Variants in SIPA1L1 observed in about 807,000 individuals in gnomAD.
The protein encoded by SIPA1L1 is signal induced proliferation associated 1 like 1.
Under a neutral mutation model 162.7 loss-of-function variants are expected in SIPA1L1, and 26 were observed. That is an observed-to-expected ratio of 0.16 (90% CI 0.12 to 0.22). The LOEUF is 0.22. SIPA1L1 is among the 10% of genes least tolerant of loss of function. The pLI, the probability that SIPA1L1 is intolerant of heterozygous loss-of-function variation, is 1.00. For synonymous variants in SIPA1L1, 829 were observed against 837.4 expected (o/e 0.99, Z 0.17); for missense variants, 1,874 against 2,241.0 (o/e 0.84, Z 3.31).
At position 71,446,894 on chromosome 14, in the gene SIPA1L1, G is replaced by GTTTTTTTTTTTTTTTTT. The variant is rs765106790; in HGVS notation, c.-464-65838_-464-65837insTTTTTTTTTTTTTTTTT. On this transcript the variant is annotated intron_variant, in intron 2 of 23. Transcript: ENST00000381232. ...CTGCAAATAAAGAGAGATGGGCTCT[G>GTTTTTTTTTTTTTTTTT]TTTTTTTTTTTGTTTTTTTTTTTTT... Among the ~76,000 whole-genome samples, 26 of 87,404 alleles carry GTTTTTTTTTTTTTTTTT rather than the reference G, an allele frequency of 3.0e-4. 3 individuals carry two copies. Among genetic ancestry groups the GTTTTTTTTTTTTTTTTT allele is most frequent in the African/African-American group, 7.8e-4 (18 of 23,000 alleles). 57.3% of individuals were successfully genotyped at this position (87,404 alleles called of 152,430 possible).
intron 2 of SIPA1L1, among the ~76,000 whole-genome samples, chr14:71,381,763 CTG>C: frequency 1.3e-5 from 2 of 152,286 alleles, no homozygotes; most frequent in Middle Eastern, 6.8e-3. Context: ...TTCTGATAGA[CTG>C]TGTGTGCTGG....
chr14:71,591,302 A>C (rs1041618367), intron 5 of SIPA1L1, among the ~76,000 whole-genome samples: 14 of 80,276 alleles, frequency 1.7e-4, no homozygotes, highest in Non-Finnish European at 2.7e-4. Flanking sequence ...CCAGTTGAGA[A>C]AACTGGAGCT....
At chr14:71,677,498 T>G (rs2045330382) in intron 12 of SIPA1L1, among the ~76,000 whole-genome samples, 1 of 152,238 alleles carries the variant, frequency 6.6e-6, no homozygotes, top group Non-Finnish European at 1.5e-5. Context: ...TTTGTCTATT[T>G]TGGCTTTTGT....
At chr14:71,347,950 C>A (rs930744850) in intron 2 of SIPA1L1, among the ~76,000 whole-genome samples, 34 of 151,992 alleles carry the variant, frequency 2.2e-4, no homozygotes, top group Middle Eastern at 3.4e-3. Flanking sequence ...ATTCAGGAGG[C>A]CAGACTTTAA....
chr14:71,619,150 C>T (rs1040577495), intron 6 of SIPA1L1, among the ~76,000 whole-genome samples: 1 of 151,986 alleles, frequency 6.6e-6, no homozygotes, highest in Non-Finnish European at 1.5e-5. Flanking sequence ...TTAAGTGTGG[C>T]CCAAGGAAAT....
intron 13 of SIPA1L1, among the ~76,000 whole-genome samples, chr14:71,692,065 G>A (rs1205166988): frequency 1.3e-5 from 2 of 152,146 alleles, no homozygotes; most frequent in Admixed American, 1.3e-4. Context: ...TGGTAGTCCA[G>A]CTTTCCACAC....
At chr14:71,637,421 A>G (rs1052454473) in intron 7 of SIPA1L1, among the ~76,000 whole-genome samples, 2 of 152,024 alleles carry the variant, frequency 1.3e-5, no homozygotes, top group Non-Finnish European at 2.9e-5. Context: ...ATTTCTTACT[A>G]TGTCTGATTT....
intron 5 of SIPA1L1, among the ~76,000 whole-genome samples, chr14:71,610,157 G>A (rs1468138389): frequency 6.6e-6 from 1 of 152,262 alleles, no homozygotes; most frequent in South Asian, 2.1e-4. Context: ...AAAGTCACAT[G>A]TACAACTAAT....
chr14:71,709,132 T>C, intron 16 of SIPA1L1, 90 bp from the exon 17 acceptor site: 1 of 1,115,994 alleles, frequency 9.0e-7, no homozygotes, highest in Non-Finnish European at 1.3e-6. Context: ...CAGAGCCCTA[T>C]AACTAGAAAT....
rs372742089 is a variant in SIPA1L1 at position 71,609,796 on chromosome 14, T to C, written c.1499-8961T>C. 4.6e-5 allele frequency among the ~76,000 whole-genome samples: 7 copies of C among 152,152 alleles called. No homozygotes were observed. The South Asian group carries it at 1.5e-3, about 32-fold the overall frequency. On this transcript the variant is annotated intron_variant, in intron 5 of 23. Coordinates refer to ENST00000381232, the MANE Select transcript of SIPA1L1 (RefSeq NM_001386936.1). ...CTTTGTAGTGATGGTGTCTCACTGT[T>C]GCTCAGGCTGGTCTTGAACTCCTAG...
intron 4 of SIPA1L1, among the ~76,000 whole-genome samples, chr14:71,580,651 A>G (rs2033797943): frequency 1.3e-5 from 2 of 152,212 alleles, no homozygotes; most frequent in Admixed American, 1.3e-4. Context: ...TAGCACAAGA[A>G]CATCTTACAG....
intron 2 of SIPA1L1, among the ~76,000 whole-genome samples, chr14:71,334,537 C>A (rs961248711): frequency 3.3e-5 from 5 of 152,118 alleles, no homozygotes; most frequent in Non-Finnish European, 7.4e-5. Context: ...TGTGTAGAAC[C>A]ATACTTGAGA....
chr14:71,455,707 T>C (rs2046138517), intron 2 of SIPA1L1, among the ~76,000 whole-genome samples: 1 of 152,202 alleles, frequency 6.6e-6, no homozygotes, highest in African/African-American at 2.4e-5. Context: ...CTCATGTTAC[T>C]AATAAGGGTA....
chr14:71,464,571 G>A (rs1453767036), intron 2 of SIPA1L1, among the ~76,000 whole-genome samples: 1 of 152,068 alleles, frequency 6.6e-6, no homozygotes, highest in Non-Finnish European at 1.5e-5. Flanking sequence ...AACCCAGGAG[G>A]CGGAGGTTGC....
At chr14:71,672,882 G>C (rs2044678797) in intron 12 of SIPA1L1, among the ~76,000 whole-genome samples, 1 of 152,230 alleles carries the variant, frequency 6.6e-6, no homozygotes, top group Non-Finnish European at 1.5e-5. Context: ...ATGACAGATA[G>C]AGAAGTCTGG....
chr14:71,547,704 A>G (rs1189557263), intron 4 of SIPA1L1, among the ~76,000 whole-genome samples: 2 of 152,152 alleles, frequency 1.3e-5, no homozygotes, highest in African/African-American at 4.8e-5. Flanking sequence ...ACGCTGCTGG[A>G]CAGTAGGATG....
chr14:71,659,075 T>G (rs1291634623), intron 9 of SIPA1L1, among the ~76,000 whole-genome samples: 1 of 152,202 alleles, frequency 6.6e-6, no homozygotes, highest in Middle Eastern at 3.2e-3. Context: ...AACTGGAAAC[T>G]GGCACTATTG....
At chr14:71,713,093 G>A (rs563403181) in intron 17 of SIPA1L1, among the ~76,000 whole-genome samples, 1 of 152,326 alleles carries the variant, frequency 6.6e-6, no homozygotes, top group East Asian at 1.9e-4. Flanking sequence ...GGTGACATGG[G>A]CCTATAGTCC....
chr14:71,570,613 T>A (rs2031793121), intron 4 of SIPA1L1, among the ~76,000 whole-genome samples: 1 of 152,090 alleles, frequency 6.6e-6, no homozygotes, highest in African/African-American at 2.4e-5. Flanking sequence ...GGATAGCCAG[T>A]TATAGCAGAC....
Sources: allele counts gnomAD v4.1 joint callset (sites outside exome capture counted in the v4.1 genomes callset), GRCh38; gene constraint gnomAD v4.1.1; transcripts MANE v1.5; gene names NCBI Gene and HGNC (gene_info 2026-07-23, HGNC 2026-07-21).